The following NATD1 variants were observed in gnomAD, a reference collection of about 807,000 sequenced individuals.
NATD1 encodes protein NATD1.
NATD1 carries 9 observed loss-of-function variants against 12.0 expected under a neutral mutation model. The ratio of observed to expected loss-of-function variants is 0.75; its 90% CI spans 0.45 to 1.30. The LOEUF is 1.30. Among genes scored for constraint, NATD1 ranks in the 50% most tolerant of loss-of-function variants. The probability of loss-of-function intolerance (pLI) is 0.00; values close to 1 mark genes in which losing one functional copy is unlikely to be tolerated. For missense variants in NATD1, 148 were observed against 148.5 expected (o/e 1.00, Z 0.02); for synonymous variants, 71 against 65.9 (o/e 1.08, Z -0.37).
At position 21,239,117 on chromosome 17, in the gene NATD1, A is replaced by G. The variant is rs1391374185; in HGVS notation, c.*4196T>C. ...CCCTGAACTGAGGAAGAGCAGTGTG[A>G]GTACATGGTCAGGGGCTCCATGAAT... On this transcript the variant is annotated 3_prime_UTR_variant, in exon 3 of 3. Coordinates refer to ENST00000611551, the MANE Select transcript of NATD1 (RefSeq NM_152914.3). 6.6e-6 allele frequency: 1 copy of G among 152,142 alleles called. No individual in the cohort carries two copies. The highest frequency in any genetic ancestry group is 6.5e-5 in the Admixed American group (1 of 15,274). The allele number at this position is 152,142 out of a possible 1,614,324, so 9.4% of individuals were successfully genotyped here.
intron 1 of NATD1, among the ~76,000 whole-genome samples, chr17:21,251,127 T>G (rs1341487925): frequency 6.6e-6 from 1 of 152,008 alleles, no homozygotes; most frequent in Non-Finnish European, 1.5e-5. Flanking sequence ...CTTTCTCCCC[T>G]GGGCTTGGCT....
chr17:21,244,419 G>C lies in NATD1; in HGVS notation c.107-195C>G, dbSNP rs1975307946. 6.6e-6 allele frequency among the ~76,000 whole-genome samples: 1 copy of C among 152,258 alleles called. No homozygotes were observed. Among genetic ancestry groups the C allele is most frequent in the South Asian group, 2.1e-4 (1 of 4,832 alleles). ...ATGTCCTTCATAGGGTGGTTTGGAG[G>C]ATTAAATGAGGTAACCTCTGTGACG... On this transcript the variant is annotated intron_variant, in intron 1 of 2. Coordinates refer to ENST00000611551, the MANE Select transcript of NATD1 (RefSeq NM_152914.3). The surrounding 1 kb of genome is among the most constrained non-coding windows in gnomAD (Gnocchi z 5.2).
chr17:21,245,724 C>T (rs1975319596), intron 1 of NATD1, among the ~76,000 whole-genome samples: 1 of 152,194 alleles, frequency 6.6e-6, no homozygotes, highest in Non-Finnish European at 1.5e-5. Flanking sequence ...CTTCCTGCAC[C>T]CGCCATCGCC....
chr17:21,252,216 A>G (rs961502181), intron 1 of NATD1, among the ~76,000 whole-genome samples: 31 of 152,064 alleles, frequency 2.0e-4, no homozygotes, highest in African/African-American at 7.0e-4. Flanking sequence ...GAGGCAGGAG[A>G]ATCACTTGAA....
At position 21,241,291 on chromosome 17, in the gene NATD1, G is replaced by A. The variant is rs1975269813; in HGVS notation, c.*2022C>T. On this transcript the variant is annotated 3_prime_UTR_variant, in exon 3 of 3. Transcript: ENST00000611551. ...GATGGGCTGGAGGCCACAGGGACAT[G>A]GCCCCAGCTCACTGAGCTCCTGAGT... The A allele has an allele frequency of 6.6e-6, 1 of 152,354 alleles. No homozygotes were observed. The highest frequency in any genetic ancestry group is 1.5e-5 in the Non-Finnish European group (1 of 68,154). 9.4% of individuals were successfully genotyped at this position (152,354 alleles called of 1,614,324 possible). A position where few individuals can be genotyped will look rare whatever the true frequency, so the allele number is the denominator to read the frequency against.
Position 21,253,201 on chromosome 17 carries a change from C to G in NATD1, c.64G>C (p.Glu22Gln). The part of the protein sequence containing the change: ...ALEQGCPIRV[E>Q]HDRRRRQFTV... ...AACTGGCGGCGCCGGCGGTCGTGCTCCACGCGGATGGGGCAGCCCTGCTCC... is the reference window on the plus strand; with the variant it reads ...AACTGGCGGCGCCGGCGGTCGTGCTGCACGCGGATGGGGCAGCCCTGCTCC... The change falls in exon 1 of 3, where the codon GAG (glutamate) becomes CAG (glutamine). Residue 22 changes from glutamate to glutamine, a missense_variant. Transcript: ENST00000611551. 2.0e-6 allele frequency: 2 copies of G among 1,015,086 alleles called. No individual in the cohort carries two copies. Among genetic ancestry groups the G allele is most frequent in the Non-Finnish European group, 2.4e-6 (2 of 850,828 alleles). The allele number at this position is 1,015,086 out of a possible 1,614,324, so 62.9% of individuals were successfully genotyped here. A position where few individuals can be genotyped will look rare whatever the true frequency, so the allele number is the denominator to read the frequency against.
intron 1 of NATD1, among the ~76,000 whole-genome samples, chr17:21,251,593 C>G (rs894122962): frequency 6.6e-6 from 1 of 152,198 alleles, no homozygotes; most frequent in Non-Finnish European, 1.5e-5. Context: ...GCCTCAGTTT[C>G]CTCATCTGTA....
At chr17:21,249,341 C>A (rs939673429) in intron 1 of NATD1, among the ~76,000 whole-genome samples, 2 of 152,190 alleles carry the variant, frequency 1.3e-5, no homozygotes, top group African/African-American at 4.8e-5. Flanking sequence ...GTAAGTAGAG[C>A]CTGGATCAGG....
chr17:21,243,876 C>A (rs1273494329), intron 2 of NATD1, among the ~76,000 whole-genome samples: 1 of 152,154 alleles, frequency 6.6e-6, no homozygotes, highest in Non-Finnish European at 1.5e-5. Context: ...AGGAATGGGG[C>A]TCCTGTGAAG....
In NATD1 at chr17:21,241,720, C is replaced by T. The variant is rs1045786946; in HGVS notation, c.*1593G>A. ...ATGCTGTGACCCACAGCAGGGGTTT[C>T]GAGGAGACTCCGGGGCTCGGGGACC... is the stretch of plus-strand genomic sequence containing the variant. On this transcript the variant is annotated 3_prime_UTR_variant, in exon 3 of 3. Coordinates refer to ENST00000611551, the MANE Select transcript of NATD1 (RefSeq NM_152914.3). The T allele has an allele frequency of 2.0e-5, 3 of 152,202 alleles. No homozygotes were observed. The highest frequency in any genetic ancestry group is 1.3e-4 in the Admixed American group (2 of 15,280). 9.4% of individuals were successfully genotyped at this position (152,202 alleles called of 1,614,324 possible).
At chr17:21,249,604 C>A (rs574592445) in intron 1 of NATD1, among the ~76,000 whole-genome samples, 2 of 152,174 alleles carry the variant, frequency 1.3e-5, no homozygotes, top group Admixed American at 1.3e-4. Context: ...CTCAGTCTTC[C>A]TGGCTGCAAA....
Position 21,241,430 on chromosome 17 carries a change from AAGGCCC to A in NATD1, c.*1877_*1882del, listed in dbSNP as rs1975271844. On this transcript the variant is annotated 3_prime_UTR_variant, in exon 3 of 3. Coordinates refer to ENST00000611551, the MANE Select transcript of NATD1 (RefSeq NM_152914.3). ...TCTGCTGCCCTGGGACAGTAAGGGG[AAGGCCC>A]AGGCCTGGCTGCCCATCCTCTGTGC... 6.6e-6 allele frequency: 1 copy of A among 152,538 alleles called. No homozygotes were observed. The highest frequency in any genetic ancestry group is 1.9e-4 in the East Asian group (1 of 5,166). The allele number at this position is 152,538 out of a possible 1,614,324, so 9.4% of individuals were successfully genotyped here. A position where few individuals can be genotyped will look rare whatever the true frequency, so the allele number is the denominator to read the frequency against.
intron 1 of NATD1, among the ~76,000 whole-genome samples, chr17:21,252,350 T>C (rs1279758403): frequency 2.6e-5 from 4 of 152,220 alleles, no homozygotes; most frequent in African/African-American, 9.7e-5. Flanking sequence ...GAACTTGCCC[T>C]TGCTTTCTGG....
At position 21,244,215 on chromosome 17, in the gene NATD1, T is replaced by G. The variant is rs747925192; in HGVS notation, c.116A>C (p.Asp39Ala). 1 of 1,611,440 alleles carries G rather than the reference T, an allele frequency of 6.2e-7. No individual in the cohort carries two copies. Among genetic ancestry groups the G allele is most frequent in the South Asian group, 1.1e-5 (1 of 90,812 alleles). Reference protein sequence around the residue: ...QFTVRLNGCHDRAVLLYEYVG... With the variant: ...QFTVRLNGCHARAVLLYEYVG... ...GTACTCATAGAGCAGGACGGCCCGG[T>G]CATGACATCCTGGGGGTTGTGGAGA... is the stretch of plus-strand genomic sequence containing the variant. Residue 39 changes from aspartate to alanine, a missense_variant, in exon 2 of 3, where the codon GAC becomes GCC. By Grantham distance (126) the Asp-to-Ala change is moderately radical. Transcript: ENST00000611551. The surrounding 1 kb of genome is among the most constrained non-coding windows in gnomAD (Gnocchi z 5.2).
chr17:21,241,171 G>C lies in NATD1; in HGVS notation c.*2142C>G, dbSNP rs1051584513. The C allele has an allele frequency of 2.0e-5, 3 of 152,414 alleles. No homozygotes were observed. The highest frequency in any genetic ancestry group is 4.4e-5 in the Non-Finnish European group (3 of 68,198). The allele number at this position is 152,414 out of a possible 1,614,324, so 9.4% of individuals were successfully genotyped here. ...TGGGAGTGGGAACAGAGTGGCACCA[G>C]GCCCATTCCCTCCTGGCTCTCAAGG... On this transcript the variant is annotated 3_prime_UTR_variant, in exon 3 of 3. Transcript: ENST00000611551.
chr17:21,243,451 G>T, intron 2 of NATD1, 22 bp from the exon 3 acceptor site: 1 of 1,591,954 alleles, frequency 6.3e-7, no homozygotes, highest in Non-Finnish European at 8.6e-7. Flanking sequence ...GCAGAGAGGA[G>T]AGTGGTCAGG....
chr17:21,243,042 G>A lies in NATD1; in HGVS notation c.*271C>T, dbSNP rs1975291129. 3 of 378,256 alleles carry A rather than the reference G, an allele frequency of 7.9e-6. No individual in the cohort carries two copies. The highest frequency in any genetic ancestry group is 3.8e-5 in the Admixed American group (1 of 26,396). 23.4% of individuals were successfully genotyped at this position (378,256 alleles called of 1,614,324 possible). A position where few individuals can be genotyped will look rare whatever the true frequency, so the allele number is the denominator to read the frequency against. ...GATGCAGGCTGGCTCTAGCCCCTAC[G>A]TGTGACCCACAGGCCTCCCACGAAG... On this transcript the variant is annotated 3_prime_UTR_variant, in exon 3 of 3. Transcript: ENST00000611551.
Position 21,243,388 on chromosome 17 carries a change from A to T in NATD1, c.267T>A (p.His89Gln). ...DFVVEEDLKA[H>Q]LTCWYIQKYV... ...ACTTCTGGATGTACCAGCAGGTGAG[A>T]TGGGCCTTCAGGTCCTCCTCCACCA... Residue 89 changes from histidine to glutamine, a missense_variant, in exon 3 of 3, where the codon CAT (histidine) becomes CAA (glutamine). By Grantham distance (24) the His-to-Gln change is conservative. Transcript: ENST00000611551. 1 of 1,613,470 alleles carries T rather than the reference A, an allele frequency of 6.2e-7. No individual in the cohort carries two copies. Among genetic ancestry groups the T allele is most frequent in the Non-Finnish European group, 8.5e-7 (1 of 1,179,960 alleles).
chr17:21,247,405 G>A (rs1033159179), intron 1 of NATD1, among the ~76,000 whole-genome samples: 12 of 152,130 alleles, frequency 7.9e-5, no homozygotes, highest in Non-Finnish European at 7.4e-5. Flanking sequence ...GGACAGAAGC[G>A]GTGGTGGCCC....
Sources: gnomAD v4.1 joint callset for allele counts (sites outside exome capture counted in the v4.1 genomes callset) on GRCh38, gnomAD v4.1.1 for gene constraint, Gnocchi (gnomAD v3.1) non-coding constraint, MANE v1.5 for transcripts, NCBI Gene and HGNC (gene_info 2026-07-23, HGNC 2026-07-21) for gene names.